Variants in ZKSCAN7 observed in about 807,000 individuals in gnomAD.
The protein encoded by ZKSCAN7 is zinc finger with KRAB and SCAN domains 7.
A neutral mutation model predicts 65.3 loss-of-function variants in ZKSCAN7; 38 were observed. That is an observed-to-expected ratio of 0.58 (90% CI 0.45 to 0.76). ZKSCAN7 has a LOEUF of 0.76. Among genes scored for constraint, ZKSCAN7 ranks in the 30% least tolerant of loss-of-function variants. ZKSCAN7 has a pLI of 0.00. For synonymous variants in ZKSCAN7, 321 were observed against 321.0 expected, an observed-to-expected ratio of 1.00 and a Z score of 0.00; for missense variants, 815 against 913.3, an observed-to-expected ratio of 0.89 and a Z score of 1.39.
chr3:44,570,894 T>C lies in ZKSCAN7; in HGVS notation c.1784T>C (p.Ile595Thr), dbSNP rs200231048. ...GKAFNQNSQLIEHERIHTGEK... is the reference protein window; with the variant it reads ...GKAFNQNSQLTEHERIHTGEK... ...GCCTTCAATCAGAACTCTCAACTCA[T>C]TGAGCATGAGCGAATTCATACTGGA... is the stretch of plus-strand genomic sequence containing the variant. Residue 595 changes from isoleucine (I) to threonine (T), a missense_variant, in exon 6 of 6, where the codon ATT (isoleucine) becomes ACT (threonine). Physicochemically the swap from Ile to Thr is moderately conservative, Grantham distance 89. Around this residue, in one of 3 missense-constraint regions of ZKSCAN7, gnomAD observed 578 missense variants for 629.5 expected, o/e 0.92. Coordinates refer to ENST00000426540, the MANE Select transcript of ZKSCAN7 (RefSeq NM_001288590.2). 4 of 1,613,890 alleles carry C rather than the reference T, an allele frequency of 2.5e-6. No individual in the cohort carries two copies. The highest frequency in any genetic ancestry group is 3.4e-6 in the Non-Finnish European group (4 of 1,179,868).
chr3:44,579,862 T>C (rs1700022460), intron 5 of ZKSCAN7: 1 of 1,610,304 alleles, frequency 6.2e-7, no homozygotes. Flanking sequence ...TCAGCCAGCC[T>C]TTCTTGAAAT....
intron 5 of ZKSCAN7, chr3:44,580,907 C>A (rs183547759): frequency 4.3e-6 from 7 of 1,613,330 alleles, no homozygotes; most frequent in Admixed American, 1.7e-5. Context: ...GTTTTGCCTG[C>A]GTCAGGTCCT....
At position 44,568,434 on chromosome 3, in the gene ZKSCAN7, G is replaced by A. The variant is rs754290776; in HGVS notation, c.811+1G>A. On this transcript the variant is annotated splice_donor_variant, in intron 5 of 5. Coordinates refer to ENST00000426540, the MANE Select transcript of ZKSCAN7 (RefSeq NM_001288590.2). LOFTEE classifies it high-confidence loss of function. ...AATCACCATAGCATGGCCTCCTTGG[G>A]TAATGATTCTGTTTCCTAGTCACTT... The A allele has an allele frequency of 1.2e-6, 2 of 1,613,048 alleles. No individual in the cohort carries two copies. Among genetic ancestry groups the A allele is most frequent in the South Asian group, 2.2e-5 (2 of 90,932 alleles).
intron 2 of ZKSCAN7, among the ~76,000 whole-genome samples, 163 bp from the exon 3 acceptor site, chr3:44,565,324 C>G (rs1246221861): frequency 6.6e-6 from 1 of 152,066 alleles, no homozygotes; most frequent in Non-Finnish European, 1.5e-5. Flanking sequence ...ATTCTGCTTT[C>G]ACAGTTTTTT....
chr3:44,580,796 G>A (rs1173886298), intron 5 of ZKSCAN7: 46 of 1,612,488 alleles, frequency 2.9e-5, no homozygotes, highest in Non-Finnish European at 3.7e-5. Context: ...GGCCATGCTC[G>A]TAAAGGATGA....
intron 5 of ZKSCAN7, 34 bp from the exon 6 acceptor site, chr3:44,569,888 T>G: frequency 1.3e-6 from 2 of 1,502,178 alleles, no homozygotes; most frequent in Non-Finnish European, 1.8e-6. Flanking sequence ...GGATAAGAAA[T>G]GGGTAAAAGT....
chr3:44,558,511 C>T (rs1406032482), intron 2 of ZKSCAN7, among the ~76,000 whole-genome samples: 5 of 145,060 alleles, frequency 3.4e-5, no homozygotes, highest in South Asian at 4.3e-4. Context: ...GGTGACAGAG[C>T]GAGACTTCAT....
Position 44,579,990 on chromosome 3 carries a change from T to C in ZKSCAN7, c.812-2982T>C, listed in dbSNP as rs115104910. On this transcript the variant is annotated intron_variant, in intron 5 of 5. Coordinates refer to the ZKSCAN7 transcript ENST00000341840. ...GAGAGGAGCTTGGGGGGGGGCTTCA[T>C]TGGTGAAGTCCTGCTTGCTAGGGAA... 4.6e-4 allele frequency: 724 copies of C among 1,569,674 alleles called. 6 individuals carry two copies. In the African/African-American group the frequency reaches 8.7e-3, roughly 19 times the overall value.
rs1422675803 is a variant in ZKSCAN7, at chr3:44,571,572, A to C, written c.*197A>C. 9.0e-5 allele frequency: 126 copies of C among 1,393,954 alleles called. 1 individual carries two copies. The Middle Eastern group carries it at 1.1e-3, about 12-fold the overall frequency. The allele number at this position is 1,393,954 out of a possible 1,614,324, so 86.3% of individuals were successfully genotyped here. ...ATTATTAGGAAGGTAAGGACTACAC[A>C]TGTCATTGAATTGTAGGTTTCCTTT... On this transcript the variant is annotated 3_prime_UTR_variant, in exon 6 of 6. Coordinates refer to ENST00000426540, the MANE Select transcript of ZKSCAN7 (RefSeq NM_001288590.2).
intron 1 of ZKSCAN7, among the ~76,000 whole-genome samples, chr3:44,555,700 T>C (rs898044976): frequency 1.3e-5 from 2 of 152,226 alleles, no homozygotes; most frequent in African/African-American, 4.8e-5. Context: ...CTGAACTTTC[T>C]ACATATATGG....
chr3:44,567,850 A>G, intron 3 of ZKSCAN7, 62 bp from the exon 4 acceptor site: 1 of 616,182 alleles, frequency 1.6e-6, no homozygotes, highest in Non-Finnish European at 2.9e-6. Flanking sequence ...TATTGGGAAT[A>G]TAGATCTTAT....
At chr3:44,559,638 G>C (rs556684032) in intron 2 of ZKSCAN7, among the ~76,000 whole-genome samples, 2 of 152,014 alleles carry the variant, frequency 1.3e-5, no homozygotes, top group East Asian at 3.9e-4. Flanking sequence ...TGTTGTCCAG[G>C]GTGGTCTTGA....
Position 44,570,916 on chromosome 3 carries a change from T to C in ZKSCAN7, c.1806T>C (p.Thr602=), listed in dbSNP as rs757954350. 1.9e-6 allele frequency: 3 copies of C among 1,613,994 alleles called. No homozygotes were observed. In the African/African-American group the frequency reaches 4.0e-5, roughly 22 times the overall value. ...SQLIEHERIH[T]GEKPFECSEC... ...TCATTGAGCATGAGCGAATTCATAC[T>C]GGAGAAAAACCTTTTGAATGTAGCG... Residue 602 remains threonine (T), a synonymous_variant, in exon 6 of 6, where the codon ACT becomes ACC. Transcript: ENST00000426540.
chr3:44,563,591 A>C (rs997270907), intron 2 of ZKSCAN7, among the ~76,000 whole-genome samples: 1 of 152,156 alleles, frequency 6.6e-6, no homozygotes, highest in Non-Finnish European at 1.5e-5. Flanking sequence ...ACACTTTTAA[A>C]CAATCAGATT....
In ZKSCAN7 at chr3:44,565,609, G is replaced by A; in HGVS notation, c.546G>A (p.Glu182=). 1 of 1,612,066 alleles carries A rather than the reference G, an allele frequency of 6.2e-7. No homozygotes were observed. Among genetic ancestry groups the A allele is most frequent in the Non-Finnish European group, 8.5e-7 (1 of 1,179,274 alleles). ...SGGSAPGAHL[E]PPYDPGTHHL... ...GCTCAGCCCCTGGAGCCCACCTGGA[G>A]CCTCCTTATGACCCAGGGACACACC... The change falls in exon 3 of 6, where the codon GAG becomes GAA. Residue 182 remains glutamate (E), a synonymous_variant. Coordinates refer to ENST00000426540, the MANE Select transcript of ZKSCAN7 (RefSeq NM_001288590.2).
chr3:44,577,396 A>G (rs1195654322), intron 5 of ZKSCAN7, among the ~76,000 whole-genome samples: 1 of 152,126 alleles, frequency 6.6e-6, no homozygotes, highest in African/African-American at 2.4e-5. Flanking sequence ...AACAAATACA[A>G]AATGCTGTCC....
rs1181824821 is a variant in ZKSCAN7, at chr3:44,570,594, A to C, written c.1484A>C (p.Tyr495Ser). ...HQRTHTGEKP[Y>S]ECNECGEAFI... ...AGAACCCATACTGGGGAGAAACCTTATGAATGCAATGAGTGTGGAGAGGCA... is the reference window on the plus strand; with the variant it reads ...AGAACCCATACTGGGGAGAAACCTTCTGAATGCAATGAGTGTGGAGAGGCA... Residue 495 changes from tyrosine (Y) to serine (S), a missense_variant, in exon 6 of 6, where the codon TAT becomes TCT. Coordinates refer to ENST00000426540, the MANE Select transcript of ZKSCAN7 (RefSeq NM_001288590.2). The C allele has an allele frequency of 6.2e-7, 1 of 1,614,220 alleles. No individual in the cohort carries two copies.
Position 44,565,636 on chromosome 3 carries a change from C to T in ZKSCAN7, c.573C>T (p.His191=). The T allele has an allele frequency of 2.5e-6, 4 of 1,604,410 alleles. No individual in the cohort carries two copies. Among genetic ancestry groups the T allele is most frequent in the Admixed American group, 1.7e-5 (1 of 57,892 alleles). The change falls in exon 3 of 6, where the codon CAC becomes CAT. Residue 191 remains histidine (H), a synonymous_variant. Coordinates refer to ENST00000426540, the MANE Select transcript of ZKSCAN7 (RefSeq NM_001288590.2). ...LEPPYDPGTH[H]LPSGDFAQCT... ...CTCCTTATGACCCAGGGACACACCA[C>T]CTCCCCAGTGGGGACTTCGGTACTT...
In ZKSCAN7 at chr3:44,570,982, G is replaced by T. The variant is rs369673824; in HGVS notation, c.1872G>T (p.Arg624=). Residue 624 remains arginine, a synonymous_variant, in exon 6 of 6, where the codon CGG becomes CGT. Coordinates refer to ENST00000426540, the MANE Select transcript of ZKSCAN7 (RefSeq NM_001288590.2). ...KAFGLSKCLI[R]HQRLHTGEKP... is the part of the protein sequence containing the mutation. ...TTGGTCTGAGTAAATGTCTTATTCG[G>T]CACCAGAGACTTCACACGGGTGAAA... The T allele has an allele frequency of 4.3e-6, 7 of 1,613,986 alleles. No homozygotes were observed. The highest frequency in any genetic ancestry group is 1.3e-5 in the African/African-American group (1 of 74,890).
Sources: gnomAD v4.1 joint callset for allele counts (sites outside exome capture counted in the v4.1 genomes callset) on GRCh38, gnomAD v4.1.1 for gene constraint, gnomAD v4.1.1 regional missense constraint, MANE v1.5 for transcripts, NCBI Gene and HGNC (gene_info 2026-07-23, HGNC 2026-07-21) for gene names.